Variants in PIP5K1B observed in about 807,000 individuals in gnomAD.
PIP5K1B encodes phosphatidylinositol 4-phosphate 5-kinase type-1 beta.
PIP5K1B carries 42 observed loss-of-function variants against 67.0 expected under a neutral mutation model. The ratio of observed to expected loss-of-function variants is 0.63; its 90% CI spans 0.49 to 0.81. The LOEUF is 0.81. Ranked by LOEUF, PIP5K1B falls within the 30% of genes least tolerant of loss-of-function variation. The pLI, the probability that PIP5K1B is intolerant of heterozygous loss-of-function variation, is 0.00. For synonymous variants in PIP5K1B, 214 were observed against 231.4 expected, an observed-to-expected ratio of 0.92 and a Z score of 0.68; for missense variants, 459 against 646.3, an observed-to-expected ratio of 0.71 and a Z score of 3.14.
intron 1 of PIP5K1B, among the ~76,000 whole-genome samples, chr9:68,730,646 G>A (rs1587354484): frequency 6.6e-6 from 1 of 152,126 alleles, no homozygotes; most frequent in African/African-American, 2.4e-5. Flanking sequence ...TTGCAGAAAA[G>A]CAGAGAATTT....
chr9:68,917,755 G>T lies in PIP5K1B; in HGVS notation c.979G>T (p.Asp327Tyr). Residue 327 changes from aspartate to tyrosine, a missense_variant, in exon 9 of 16, where the codon GAC becomes TAC. Asp to Tyr is a radical substitution (Grantham distance 160). Around this residue, in one of 2 missense-constraint regions of PIP5K1B, gnomAD observed 290 missense variants for 474.4 expected, o/e 0.61. Coordinates refer to ENST00000265382, the MANE Select transcript of PIP5K1B (RefSeq NM_003558.4). Reference protein sequence around the residue: ...SGDGIITENPDTMGGIPAKSH... With the variant: ...SGDGIITENPYTMGGIPAKSH... ...AGATGGGATAATCACAGAGAACCCA[G>T]ACACGTAAGTGCAGCCACACACCTA... 2 of 1,612,650 alleles carry T rather than the reference G, an allele frequency of 1.2e-6. No individual in the cohort carries two copies. The highest frequency in any genetic ancestry group is 1.1e-5 in the South Asian group (1 of 91,052).
chr9:68,939,971 G>A (rs2132633532), intron 13 of PIP5K1B, among the ~76,000 whole-genome samples: 1 of 152,294 alleles, frequency 6.6e-6, no homozygotes, highest in Middle Eastern at 3.4e-3. Flanking sequence ...TTACTGCCCA[G>A]CCTTGAACAT....
intron 14 of PIP5K1B, among the ~76,000 whole-genome samples, chr9:68,951,608 A>G (rs2132690110): frequency 6.6e-6 from 1 of 152,284 alleles, no homozygotes; most frequent in Admixed American, 6.5e-5. Flanking sequence ...TTTCCAACCT[A>G]AGTGGTAAAA....
chr9:68,750,447 G>A (rs778709217), intron 2 of PIP5K1B, among the ~76,000 whole-genome samples: 6 of 152,178 alleles, frequency 3.9e-5, no homozygotes, highest in Non-Finnish European at 7.3e-5. Flanking sequence ...CGTCGGTGAC[G>A]TAGCTGTTGC....
At chr9:68,848,439 C>T (rs1283131877) in intron 4 of PIP5K1B, among the ~76,000 whole-genome samples, 1 of 152,194 alleles carries the variant, frequency 6.6e-6, no homozygotes, top group Non-Finnish European at 1.5e-5. Context: ...CCCCACTTCA[C>T]CCACAAGCTG....
intron 2 of PIP5K1B, chr9:68,780,356 G>T (rs1030451799): frequency 1.2e-6 from 2 of 1,612,202 alleles, no homozygotes; most frequent in African/African-American, 2.7e-5. Flanking sequence ...ACAGCACAAC[G>T]TTCCCGAGCC....
At chr9:68,762,928 A>C (rs570332255) in intron 2 of PIP5K1B, among the ~76,000 whole-genome samples, 72 of 152,216 alleles carry the variant, frequency 4.7e-4, no homozygotes, top group African/African-American at 1.6e-3. Flanking sequence ...TACCCTCTGG[A>C]GTAGCGCAGT....
chr9:68,978,032 G>A (rs1262925625), intron 14 of PIP5K1B, among the ~76,000 whole-genome samples: 4 of 151,938 alleles, frequency 2.6e-5, no homozygotes, highest in Non-Finnish European at 4.4e-5. Flanking sequence ...CTTTATTGAG[G>A]TATACTTAAC....
intron 2 of PIP5K1B, among the ~76,000 whole-genome samples, chr9:68,803,602 C>G (rs1832717649): frequency 6.6e-6 from 1 of 152,240 alleles, no homozygotes; most frequent in Non-Finnish European, 1.5e-5. Context: ...AGAGCAAATG[C>G]CAAGTGGCAG....
intron 7 of PIP5K1B, among the ~76,000 whole-genome samples, chr9:68,892,278 T>C (rs1824832158): frequency 1.3e-5 from 2 of 152,198 alleles, no homozygotes; most frequent in Admixed American, 1.3e-4. Context: ...AGAATGTTTT[T>C]TAAAATGAAC....
intron 3 of PIP5K1B, among the ~76,000 whole-genome samples, chr9:68,820,334 C>T (rs1377807202): frequency 6.6e-6 from 1 of 152,156 alleles, no homozygotes; most frequent in Non-Finnish European, 1.5e-5. Flanking sequence ...TAAGCTGATA[C>T]AGCATGGAAA....
chr9:68,840,340 G>A (rs1438657677), intron 4 of PIP5K1B, among the ~76,000 whole-genome samples: 1 of 150,806 alleles, frequency 6.6e-6, no homozygotes, highest in East Asian at 1.9e-4. Context: ...TCGCGCCATT[G>A]CACTCCAGCC....
chr9:68,847,416 T>C (rs1032986422), intron 4 of PIP5K1B, among the ~76,000 whole-genome samples: 1 of 100,332 alleles, frequency 1.0e-5, no homozygotes, highest in Non-Finnish European at 1.8e-5. Flanking sequence ...AGTGGTTTTG[T>C]GTGTGTGTGT....
At chr9:68,754,620 T>G (rs1403380119) in intron 2 of PIP5K1B, among the ~76,000 whole-genome samples, 4 of 152,222 alleles carry the variant, frequency 2.6e-5, no homozygotes, top group Non-Finnish European at 4.4e-5. Context: ...CTATTGATTT[T>G]TGTATATTGG....
intron 8 of PIP5K1B, among the ~76,000 whole-genome samples, chr9:68,904,554 A>G (rs1485835458): frequency 1.3e-5 from 2 of 152,234 alleles, no homozygotes; most frequent in East Asian, 3.8e-4. Context: ...ACTGTTACCA[A>G]TGTGCATGCA....
chr9:68,963,702 A>G (rs922175202), intron 14 of PIP5K1B, among the ~76,000 whole-genome samples: 7 of 152,124 alleles, frequency 4.6e-5, no homozygotes, highest in African/African-American at 1.4e-4. Flanking sequence ...GGACCTTTAC[A>G]ATGGTAGTGG....
chr9:68,940,903 T>C, intron 14 of PIP5K1B, 113 bp downstream of exon 14: 2 of 966,578 alleles, frequency 2.1e-6, no homozygotes, highest in African/African-American at 1.6e-5. Flanking sequence ...GTGCCTGTCA[T>C]CTGCCTCATA....
intron 5 of PIP5K1B, among the ~76,000 whole-genome samples, chr9:68,868,972 G>T (rs1823493429): frequency 6.6e-6 from 1 of 151,936 alleles, no homozygotes; most frequent in Admixed American, 6.6e-5. Context: ...CTACGGCAAG[G>T]GTAAAACATT....
chr9:68,743,952 A>G (rs1212547646), intron 2 of PIP5K1B, among the ~76,000 whole-genome samples: 1 of 152,196 alleles, frequency 6.6e-6, no homozygotes, highest in Non-Finnish European at 1.5e-5. Flanking sequence ...CATAAAGCAC[A>G]ATATTGGGAA....
Sources: gnomAD v4.1 joint callset for allele counts (sites outside exome capture counted in the v4.1 genomes callset) on GRCh38, gnomAD v4.1.1 for gene constraint, gnomAD v4.1.1 regional missense constraint, MANE v1.5 for transcripts, NCBI Gene and HGNC (gene_info 2026-07-23, HGNC 2026-07-21) for gene names.